CSMD1: variants seen among roughly 807,000 people sequenced by gnomAD.
CSMD1 encodes CUB and sushi domain-containing protein 1.
CSMD1 carries 213 observed loss-of-function variants against 417.5 expected under a neutral mutation model. That is an observed-to-expected ratio of 0.51 (90% CI 0.46 to 0.57). The LOEUF (loss-of-function observed/expected upper bound fraction) is 0.57. CSMD1 is among the 20% of genes least tolerant of loss of function. The probability of loss-of-function intolerance (pLI) is 0.00; values close to 1 mark genes in which losing one functional copy is unlikely to be tolerated. For synonymous variants in CSMD1, 2,862 were observed against 1,736.8 expected, an observed-to-expected ratio of 1.65 and a Z score of -16.11; for missense variants, 6,923 against 4,529.7, an observed-to-expected ratio of 1.53 and a Z score of -15.17.
At chr8:4,268,831 CT>C (rs941226109) in intron 3 of CSMD1, among the ~76,000 whole-genome samples, 2 of 151,960 alleles carry the variant, frequency 1.3e-5, no homozygotes, top group Admixed American at 1.3e-4. Flanking sequence ...CCCAAGTAAT[CT>C]TAATATGGGA....
intron 5 of CSMD1, among the ~76,000 whole-genome samples, chr8:3,868,569 T>G (rs1805266634): frequency 6.6e-6 from 1 of 152,158 alleles, no homozygotes; most frequent in Non-Finnish European, 1.5e-5. Flanking sequence ...AAATGTGGAT[T>G]TGAGGGTCCA....
intron 3 of CSMD1, among the ~76,000 whole-genome samples, chr8:4,062,165 C>T (rs959366904): frequency 1.1e-4 from 17 of 152,124 alleles, no homozygotes; most frequent in Admixed American, 6.6e-4. Context: ...ACCAGAAACA[C>T]GCAAGACTTG....
intron 25 of CSMD1, among the ~76,000 whole-genome samples, chr8:3,294,595 C>T (rs902766412): frequency 6.6e-6 from 1 of 152,182 alleles, no homozygotes; most frequent in Non-Finnish European, 1.5e-5. Context: ...GAGTGAGGCT[C>T]CGTGGGGGTA....
chr8:4,548,182 G>T (rs139533565), intron 2 of CSMD1, among the ~76,000 whole-genome samples: 28 of 152,300 alleles, frequency 1.8e-4, no homozygotes, highest in African/African-American at 6.5e-4. Context: ...AAGAGCTTAT[G>T]TTGGGCCTAA....
intron 10 of CSMD1, among the ~76,000 whole-genome samples, chr8:3,548,036 G>T (rs897679360): frequency 4.6e-5 from 7 of 152,104 alleles, no homozygotes; most frequent in Admixed American, 3.3e-4. Flanking sequence ...CTGGAGAGGG[G>T]TAACCACCCC....
chr8:4,059,506 TG>T (rs1798862303), intron 3 of CSMD1, among the ~76,000 whole-genome samples: 1 of 152,112 alleles, frequency 6.6e-6, no homozygotes, highest in South Asian at 2.1e-4. Context: ...ATCCAGGAGC[TG>T]GTTTTTTGAA....
chr8:3,348,349 A>AC (rs1420246013), intron 21 of CSMD1, among the ~76,000 whole-genome samples, 188 bp from the exon 22 acceptor site: 1 of 152,070 alleles, frequency 6.6e-6, no homozygotes, highest in African/African-American at 2.4e-5. Flanking sequence ...AAGATACCCC[A>AC]CCTAGCTCAT....
chr8:4,852,526 T>C (rs1199600791), intron 1 of CSMD1, among the ~76,000 whole-genome samples: 3 of 152,188 alleles, frequency 2.0e-5, no homozygotes, highest in African/African-American at 7.2e-5. Context: ...ATTTATAAGT[T>C]ACCTAGCCTT....
At chr8:3,247,880 T>C (rs1343087550) in intron 26 of CSMD1, among the ~76,000 whole-genome samples, 5 of 152,220 alleles carry the variant, frequency 3.3e-5, no homozygotes, top group Non-Finnish European at 7.3e-5. Context: ...AGGATCTCCA[T>C]GGAATCCATG....
chr8:3,977,566 G>C (rs113640388), intron 5 of CSMD1, among the ~76,000 whole-genome samples: 3,607 of 152,226 alleles, frequency 0.024, 160 homozygotes, highest in African/African-American at 0.081. Context: ...AATACTTTGT[G>C]ACTCTGGCAC....
At chr8:4,785,176 C>A (rs1797337932) in intron 1 of CSMD1, among the ~76,000 whole-genome samples, 2 of 152,274 alleles carry the variant, frequency 1.3e-5, no homozygotes, top group African/African-American at 2.4e-5. Context: ...CTGAATATGA[C>A]TCCTAGCCTG....
At chr8:3,927,534 G>A (rs1043398896) in intron 5 of CSMD1, among the ~76,000 whole-genome samples, 2 of 149,826 alleles carry the variant, frequency 1.3e-5, no homozygotes, top group African/African-American at 4.9e-5. Flanking sequence ...CCGTGGTGGT[G>A]CATCACTGTA....
intron 11 of CSMD1, among the ~76,000 whole-genome samples, chr8:3,469,981 CATACATTTATT>C (rs1816994556): frequency 3.3e-5 from 5 of 151,996 alleles, no homozygotes; most frequent in Admixed American, 2.0e-4. Context: ...CTTTCTTATT[CATACATTTATT>C]GAAGTGTAAC....
At chr8:4,076,138 A>C (rs1050838122) in intron 3 of CSMD1, among the ~76,000 whole-genome samples, 5 of 152,144 alleles carry the variant, frequency 3.3e-5, no homozygotes, top group African/African-American at 1.2e-4. Context: ...GTAGGAGGTA[A>C]CTGAATCATG....
chr8:3,686,530 A>G (rs148563439), intron 7 of CSMD1, among the ~76,000 whole-genome samples: 2 of 152,338 alleles, frequency 1.3e-5, no homozygotes, highest in African/African-American at 4.8e-5. Context: ...CATTCTGTTC[A>G]TTGAAAGCAG....
At chr8:4,449,758 G>A (rs568330619) in intron 2 of CSMD1, among the ~76,000 whole-genome samples, 2 of 152,196 alleles carry the variant, frequency 1.3e-5, no homozygotes, top group African/African-American at 4.8e-5. Flanking sequence ...AACAATGGTG[G>A]CAAGCAGTTG....
At chr8:3,598,944 G>A (rs750360146) in intron 8 of CSMD1, among the ~76,000 whole-genome samples, 9 of 152,102 alleles carry the variant, frequency 5.9e-5, no homozygotes, top group Non-Finnish European at 1.2e-4. Flanking sequence ...AACTGGGCAT[G>A]GTGGAGTGCA....
intron 3 of CSMD1, among the ~76,000 whole-genome samples, chr8:4,303,887 C>T: frequency 6.6e-6 from 1 of 152,140 alleles, no homozygotes. Context: ...GAACTCCTGA[C>T]CTTGTGATCT....
chr8:4,747,179 G>A (rs189175949), intron 1 of CSMD1, among the ~76,000 whole-genome samples: 4 of 152,304 alleles, frequency 2.6e-5, no homozygotes, highest in African/African-American at 7.2e-5. Context: ...GAGGAAAGGA[G>A]TCCTTGTTTT....
Sources: allele counts gnomAD v4.1 joint callset (sites outside exome capture counted in the v4.1 genomes callset), GRCh38; gene constraint gnomAD v4.1.1; transcripts MANE v1.5; gene names NCBI Gene and HGNC (gene_info 2026-07-23, HGNC 2026-07-21).